The following LANCL2 variants were observed in gnomAD, a reference collection of about 807,000 sequenced individuals.
LANCL2 encodes lanC-like protein 2.
A neutral mutation model predicts 56.9 loss-of-function variants in LANCL2; 33 were observed. The ratio of observed to expected loss-of-function variants is 0.58; its 90% CI spans 0.44 to 0.78. LANCL2 has a LOEUF of 0.78. Ranked by LOEUF, LANCL2 falls within the 30% of genes least tolerant of loss-of-function variation. The pLI, the probability that LANCL2 is intolerant of heterozygous loss-of-function variation, is 0.00. For synonymous variants in LANCL2, 233 were observed against 228.2 expected, an observed-to-expected ratio of 1.02 and a Z score of -0.19; for missense variants, 562 against 580.2, an observed-to-expected ratio of 0.97 and a Z score of 0.32.
At chr7:55,427,388 G>A (rs1790675213) in intron 7 of LANCL2, among the ~76,000 whole-genome samples, 1 of 152,228 alleles carries the variant, frequency 6.6e-6, no homozygotes, top group Non-Finnish European at 1.5e-5. Flanking sequence ...TGGAAAGATT[G>A]CTGTAGTCCC....
intron 2 of LANCL2, among the ~76,000 whole-genome samples, chr7:55,394,688 GGT>G (rs1231867727): frequency 6.6e-6 from 1 of 152,226 alleles, no homozygotes; most frequent in African/African-American, 2.4e-5. Flanking sequence ...GGAGAGCCAT[GGT>G]GTGCAAAGAG....
intron 7 of LANCL2, among the ~76,000 whole-genome samples, chr7:55,425,834 C>G (rs1234770971): frequency 3.9e-5 from 6 of 152,158 alleles, no homozygotes; most frequent in Non-Finnish European, 5.9e-5. Context: ...TGTAATCGTC[C>G]TGCCAAAACC....
Position 55,425,313 on chromosome 7 carries a change from G to A in LANCL2, c.1068G>A (p.Gln356=). The change falls in exon 7 of 9, where the codon CAG becomes CAA. Residue 356 remains glutamine (Q), a synonymous_variant. Coordinates refer to ENST00000254770, the MANE Select transcript of LANCL2 (RefSeq NM_018697.4). ...TGGAGTGTAGCGATGTGATTTGGCAGCGAGGTTTGCTGCGGAAGGGCTACG... is the reference window on the plus strand; with the variant it reads ...TGGAGTGTAGCGATGTGATTTGGCAACGAGGTTTGCTGCGGAAGGGCTACG... ...EAMECSDVIW[Q]RGLLRKGYGI... The A allele has an allele frequency of 1.2e-6, 2 of 1,614,208 alleles. No homozygotes were observed. Among genetic ancestry groups the A allele is most frequent in the Non-Finnish European group, 1.7e-6 (2 of 1,180,044 alleles).
chr7:55,412,033 G>A lies in LANCL2; in HGVS notation c.952G>A (p.Val318Met). 1 of 1,614,208 alleles carries A rather than the reference G, an allele frequency of 6.2e-7. No homozygotes were observed. The highest frequency in any genetic ancestry group is 2.2e-5 in the East Asian group (1 of 44,884). Residue 318 changes from valine to methionine, a missense_variant, in exon 6 of 9, where the codon GTG becomes ATG. By Grantham distance (21) the Val-to-Met change is conservative. This residue lies in a region of LANCL2 where 378 missense variants were observed against 468.4 expected (regional missense o/e 0.81). Coordinates refer to ENST00000254770, the MANE Select transcript of LANCL2 (RefSeq NM_018697.4). ...ATTAAGCAATGAAACAGACCGGCTG[G>A]TGCACTGGTGCCACGGCGCCCCGGG... ...SSLSNETDRL[V>M]HWCHGAPGVI...
At chr7:55,402,542 C>T (rs1178632095) in intron 5 of LANCL2, among the ~76,000 whole-genome samples, 16 of 136,930 alleles carry the variant, frequency 1.2e-4, no homozygotes, top group Admixed American at 4.9e-4. Flanking sequence ...GGCGGCTTGC[C>T]GGGCGGGGGG....
rs553405963 is a variant in LANCL2, at chr7:55,374,172, C to A, written c.204+7943C>A. 3.6e-3 allele frequency among the ~76,000 whole-genome samples: 544 copies of A among 151,766 alleles called. 8 individuals carry two copies. The highest frequency in any genetic ancestry group is 0.013 in the African/African-American group (522 of 41,072). ...AGTTTATTAATACATTGTCACTTAA[C>A]AGTTTGTCCTTGGTTCTTTATTGCA... is the stretch of plus-strand genomic sequence containing the variant. On this transcript the variant is annotated intron_variant, in intron 1 of 8. Coordinates refer to ENST00000254770, the MANE Select transcript of LANCL2 (RefSeq NM_018697.4).
intron 1 of LANCL2, among the ~76,000 whole-genome samples, chr7:55,376,383 C>T (rs1209919433): frequency 6.6e-6 from 1 of 152,182 alleles, no homozygotes; most frequent in Non-Finnish European, 1.5e-5. Context: ...GCATGGACAG[C>T]CCTGCAAAGC....
intron 1 of LANCL2, among the ~76,000 whole-genome samples, chr7:55,373,085 A>G (rs1789962960): frequency 6.6e-6 from 1 of 152,196 alleles, no homozygotes. Flanking sequence ...GTCATCTATC[A>G]TAGCCTGGGT....
intron 8 of LANCL2, among the ~76,000 whole-genome samples, chr7:55,430,672 T>C (rs1020108148): frequency 3.9e-5 from 6 of 152,214 alleles, no homozygotes; most frequent in Admixed American, 2.0e-4. Flanking sequence ...GGAGGATTGT[T>C]CTGATTTGAG....
At position 55,365,932 on chromosome 7, in the gene LANCL2, C is replaced by T. The variant is rs1264570890; in HGVS notation, c.-94C>T. ...GGCCTCGCTCCTCCTAGAGGACGCTCTCTGCGCGGGCCCTCGGAGGAGGCG... is the reference window on the plus strand; with the variant it reads ...GGCCTCGCTCCTCCTAGAGGACGCTTTCTGCGCGGGCCCTCGGAGGAGGCG... On this transcript the variant is annotated 5_prime_UTR_variant, in exon 1 of 9. Transcript: ENST00000254770. The T allele has an allele frequency of 5.8e-6, 6 of 1,037,498 alleles. No individual in the cohort carries two copies. The highest frequency in any genetic ancestry group is 7.9e-6 in the Non-Finnish European group (6 of 754,948). 64.3% of individuals were successfully genotyped at this position (1,037,498 alleles called of 1,614,324 possible). A position where few individuals can be genotyped will look rare whatever the true frequency, so the allele number is the denominator to read the frequency against.
At chr7:55,416,114 C>G (rs1369448544) in intron 6 of LANCL2, among the ~76,000 whole-genome samples, 4 of 152,130 alleles carry the variant, frequency 2.6e-5, no homozygotes, top group Non-Finnish European at 5.9e-5. Context: ...TCTGGTTGTT[C>G]TGCATCTGCC....
At chr7:55,373,560 A>C (rs2128991056) in intron 1 of LANCL2, among the ~76,000 whole-genome samples, 1 of 152,158 alleles carries the variant, frequency 6.6e-6, no homozygotes, top group South Asian at 2.1e-4. Flanking sequence ...TCAGCTTCCC[A>C]AAGTGTTGGG....
chr7:55,414,728 C>T (rs1790507096), intron 6 of LANCL2, among the ~76,000 whole-genome samples: 1 of 151,850 alleles, frequency 6.6e-6, no homozygotes, highest in African/African-American at 2.4e-5. Context: ...ACCTGTAATC[C>T]CAGCACTTTG....
chr7:55,410,849 C>G (rs1346704774), intron 5 of LANCL2, among the ~76,000 whole-genome samples: 1 of 152,084 alleles, frequency 6.6e-6, no homozygotes, highest in Non-Finnish European at 1.5e-5. Flanking sequence ...TAACATGTCA[C>G]TCTAAGGATG....
rs773446853 is a variant in LANCL2, at chr7:55,365,972, T to C, written c.-54T>C. ...CGGAGGAGGCGGCGGCGGGGCGAGC[T>C]GCAGCGCCGGGACAGGAGGTTTGTC... On this transcript the variant is annotated 5_prime_UTR_variant, in exon 1 of 9. Transcript: ENST00000254770. 181 of 1,326,030 alleles carry C rather than the reference T, an allele frequency of 1.4e-4. No individual in the cohort carries two copies. The highest frequency in any genetic ancestry group is 1.4e-4 in the Non-Finnish European group (140 of 1,014,168). 82.1% of individuals were successfully genotyped at this position (1,326,030 alleles called of 1,614,324 possible). A position where few individuals can be genotyped will look rare whatever the true frequency, so the allele number is the denominator to read the frequency against.
intron 6 of LANCL2, among the ~76,000 whole-genome samples, chr7:55,416,968 GGTTTTTTTTTT>G (rs1209403620): frequency 1.0e-4 from 11 of 109,074 alleles, no homozygotes; most frequent in African/African-American, 3.9e-4. Context: ...CAAACGAGGT[GGTTTTTTTTTT>G]TTTTTTTTTT....
chr7:55,378,478 G>GT (rs1232968692), intron 1 of LANCL2, among the ~76,000 whole-genome samples: 8 of 151,890 alleles, frequency 5.3e-5, no homozygotes, highest in African/African-American at 1.9e-4. Flanking sequence ...AGGAAAAAGT[G>GT]TGTGTGCGTA....
Position 55,431,447 on chromosome 7 carries a change from A to G in LANCL2, c.*127A>G. The stretch of plus-strand genomic sequence containing the variant: ...CACCGTCACAGGCCCCTCTGGTTAG[A>G]CTAGCATGAGTGACCGAAGCCATCC... On this transcript the variant is annotated 3_prime_UTR_variant, in exon 9 of 9. Coordinates refer to ENST00000254770, the MANE Select transcript of LANCL2 (RefSeq NM_018697.4). 1.6e-6 allele frequency: 1 copy of G among 620,860 alleles called. No individual in the cohort carries two copies. Among genetic ancestry groups the G allele is most frequent in the East Asian group, 2.8e-5 (1 of 35,606 alleles). 38.5% of individuals were successfully genotyped at this position (620,860 alleles called of 1,614,324 possible). A position where few individuals can be genotyped will look rare whatever the true frequency, so the allele number is the denominator to read the frequency against.
chr7:55,369,985 C>T (rs11971033), intron 1 of LANCL2, among the ~76,000 whole-genome samples: 2 of 152,158 alleles, frequency 1.3e-5, no homozygotes, highest in Admixed American at 6.5e-5. Flanking sequence ...TAAACACTTA[C>T]GATCTCATGC....
Sources: allele counts gnomAD v4.1 joint callset (sites outside exome capture counted in the v4.1 genomes callset), GRCh38; gene constraint gnomAD v4.1.1; regional missense constraint gnomAD v4.1.1; transcripts MANE v1.5; gene names NCBI Gene and HGNC (gene_info 2026-07-23, HGNC 2026-07-21).